Variants in BLK observed in about 807,000 individuals in gnomAD.
BLK encodes BLK proto-oncogene, Src family tyrosine kinase.
Under a neutral mutation model 61.8 loss-of-function variants are expected in BLK, and 64 were observed. The ratio of observed to expected loss-of-function variants is 1.03; its 90% CI spans 0.85 to 1.27. The LOEUF is 1.27. Among genes scored for constraint, BLK ranks in the 50% most tolerant of loss-of-function variants. BLK has a pLI of 0.00. For missense variants in BLK, 853 were observed against 660.5 expected, an observed-to-expected ratio of 1.29 and a Z score of -3.19; for synonymous variants, 351 against 272.0, an observed-to-expected ratio of 1.29 and a Z score of -2.86.
Position 11,564,354 on chromosome 8 carries a change from C to G in BLK, c.*246C>G, listed in dbSNP as rs919968057. The G allele has an allele frequency of 1.4e-6, 1 of 693,260 alleles. No individual in the cohort carries two copies. The highest frequency in any genetic ancestry group is 1.8e-5 in the African/African-American group (1 of 57,052). The allele number at this position is 693,260 out of a possible 1,614,324, so 42.9% of individuals were successfully genotyped here. ...AGAGGGCTGTAACAGTGACCTCGCA[C>G]GGTCATCCGGAGTACTAAGCCCCAG... On this transcript the variant is annotated 3_prime_UTR_variant, in exon 13 of 13. Coordinates refer to ENST00000259089, the MANE Select transcript of BLK (RefSeq NM_001715.3).
intron 6 of BLK, among the ~76,000 whole-genome samples, chr8:11,551,073 C>T (rs1800876807): frequency 6.6e-6 from 1 of 152,164 alleles, no homozygotes; most frequent in Admixed American, 6.5e-5. Context: ...CTTCCTTGCT[C>T]TTCTCTGTGG....
At chr8:11,557,623 G>A (rs1465512528) in intron 9 of BLK, among the ~76,000 whole-genome samples, 1 of 152,182 alleles carries the variant, frequency 6.6e-6, no homozygotes, top group East Asian at 1.9e-4. Context: ...CCAACACGGG[G>A]GGAAAGACAA....
intron 10 of BLK, chr8:11,560,668 T>C: frequency 2.8e-6 from 1 of 355,758 alleles, no homozygotes; most frequent in East Asian, 7.5e-5. Flanking sequence ...CTCTTCTTCT[T>C]CACAGCCTCT....
chr8:11,546,152 G>C (rs1478451809), intron 3 of BLK, 49 bp downstream of exon 3: 2 of 1,603,414 alleles, frequency 1.2e-6, no homozygotes, highest in Non-Finnish European at 1.7e-6. Flanking sequence ...CTCTCCCCTA[G>C]GTGGCAGCTT....
intron 1 of BLK, among the ~76,000 whole-genome samples, chr8:11,517,045 G>T (rs1017096721): frequency 6.6e-6 from 1 of 152,262 alleles, no homozygotes; most frequent in African/African-American, 2.4e-5. Context: ...ACACTGGGGA[G>T]TTCTGAGTAG....
At chr8:11,513,281 G>A (rs550575690) in intron 1 of BLK, among the ~76,000 whole-genome samples, 8 of 152,268 alleles carry the variant, frequency 5.3e-5, no homozygotes, top group Admixed American at 1.3e-4. Context: ...GGGGGAGATG[G>A]AAAAGCAGGG....
At chr8:11,554,984 T>C (rs962740989) in intron 7 of BLK, 95 bp downstream of exon 7, 4 of 1,523,738 alleles carry the variant, frequency 2.6e-6, no homozygotes, top group Non-Finnish European at 3.5e-6. Flanking sequence ...TGGTGCCACC[T>C]TGGGGGATGG....
intron 1 of BLK, among the ~76,000 whole-genome samples, chr8:11,514,436 G>A (rs374979548): frequency 1.1e-4 from 17 of 152,360 alleles, no homozygotes; most frequent in East Asian, 9.6e-4. Flanking sequence ...CTCCCCGAGG[G>A]ATCTGAGGCC....
At chr8:11,525,094 A>G (rs932258103) in intron 1 of BLK, among the ~76,000 whole-genome samples, 2 of 152,218 alleles carry the variant, frequency 1.3e-5, no homozygotes, top group African/African-American at 4.8e-5. Flanking sequence ...TAAAAGGCTC[A>G]GCCCTCCCTG....
intron 1 of BLK, 61 bp from the exon 2 acceptor site, chr8:11,543,163 T>C: frequency 1.2e-6 from 2 of 1,610,820 alleles, no homozygotes; most frequent in Non-Finnish European, 1.7e-6. Flanking sequence ...GGATCCCCTC[T>C]GTGCAGAGGA....
chr8:11,561,149 T>G, intron 10 of BLK, 153 bp from the exon 11 acceptor site: 2 of 1,128,398 alleles, frequency 1.8e-6, no homozygotes, highest in Non-Finnish European at 2.6e-6. Context: ...AGGAGTTTAT[T>G]CGGCTGAGGA....
chr8:11,496,934 C>A (rs1175475632), intron 1 of BLK, among the ~76,000 whole-genome samples: 3 of 152,278 alleles, frequency 2.0e-5, no homozygotes, highest in South Asian at 2.1e-4. Context: ...AGCCCACCTG[C>A]AGCCTGGGGT....
intron 2 of BLK, among the ~76,000 whole-genome samples, chr8:11,543,931 C>T (rs748133900): frequency 2.6e-5 from 4 of 151,804 alleles, no homozygotes; most frequent in Non-Finnish European, 4.4e-5. Flanking sequence ...AAACACTTAG[C>T]TCCTTTTGAT....
Position 11,563,134 on chromosome 8 carries a change from G to A in BLK, c.1312+24G>A, listed in dbSNP as rs182009734. ...AGGTAGGTGGCTCACCCCGCAGCTCGCGGCTCCCTGCTTTCCCGGCCGGCC... is the reference window on the plus strand; with the variant it reads ...AGGTAGGTGGCTCACCCCGCAGCTCACGGCTCCCTGCTTTCCCGGCCGGCC... On this transcript the variant is annotated intron_variant, in intron 12 of 12. Coordinates refer to ENST00000259089, the MANE Select transcript of BLK (RefSeq NM_001715.3). The A allele has an allele frequency of 4.8e-4, 770 of 1,613,210 alleles. 3 individuals are homozygous for A. The African/African-American group carries it at 9.2e-3, about 19-fold the overall frequency.
At position 11,564,464 on chromosome 8, in the gene BLK, T is replaced by G; in HGVS notation, c.*356T>G. ...CCCGTGCTGGCCGCGTCCCCGCCTC[T>G]GCGCCCTGCGTGGACCCCGCCCTGC... On this transcript the variant is annotated 3_prime_UTR_variant, in exon 13 of 13. Coordinates refer to ENST00000259089, the MANE Select transcript of BLK (RefSeq NM_001715.3). 1 of 540,670 alleles carries G rather than the reference T, an allele frequency of 1.8e-6. No homozygotes were observed. Among genetic ancestry groups the G allele is most frequent in the Non-Finnish European group, 3.6e-6 (1 of 281,442 alleles). The allele number at this position is 540,670 out of a possible 1,614,324, so 33.5% of individuals were successfully genotyped here. A position where few individuals can be genotyped will look rare whatever the true frequency, so the allele number is the denominator to read the frequency against.
At chr8:11,523,717 C>T (rs1051607379) in intron 1 of BLK, among the ~76,000 whole-genome samples, 7 of 151,916 alleles carry the variant, frequency 4.6e-5, no homozygotes, top group South Asian at 2.1e-4. Context: ...TGGTAGAAGA[C>T]GTGGATGATC....
chr8:11,507,557 G>A (rs1476480961), intron 1 of BLK, among the ~76,000 whole-genome samples: 1 of 152,242 alleles, frequency 6.6e-6, no homozygotes, highest in African/African-American at 2.4e-5. Context: ...CAGGAGCTTA[G>A]TGGACCCAGT....
intron 1 of BLK, among the ~76,000 whole-genome samples, chr8:11,533,651 G>A (rs954194293): frequency 7.2e-6 from 1 of 139,184 alleles, no homozygotes; most frequent in Non-Finnish European, 1.6e-5. Flanking sequence ...AGGTGGAGGA[G>A]ACGGAGGGGG....
intron 1 of BLK, among the ~76,000 whole-genome samples, chr8:11,527,666 T>C (rs1263490905): frequency 6.6e-6 from 1 of 151,800 alleles, no homozygotes; most frequent in Non-Finnish European, 1.5e-5. Context: ...GTGTGGAAAA[T>C]TGCCCTTGTG....
Sources: allele counts gnomAD v4.1 joint callset (sites outside exome capture counted in the v4.1 genomes callset), GRCh38; gene constraint gnomAD v4.1.1; transcripts MANE v1.5; gene names NCBI Gene and HGNC (gene_info 2026-07-23, HGNC 2026-07-21).